The following SLC43A2 variants were observed in gnomAD, a reference collection of about 807,000 sequenced individuals.
SLC43A2 encodes large neutral amino acids transporter small subunit 4.
A neutral mutation model predicts 63.2 loss-of-function variants in SLC43A2; 38 were observed. The observed-to-expected ratio is 0.60, with a 90% CI of 0.46 to 0.79. The LOEUF is 0.79. Ranked by LOEUF, SLC43A2 falls within the 30% of genes least tolerant of loss-of-function variation. The probability of loss-of-function intolerance (pLI) is 0.00; values close to 1 mark genes in which losing one functional copy is unlikely to be tolerated. For missense variants in SLC43A2, 644 were observed against 756.2 expected, an observed-to-expected ratio of 0.85 and a Z score of 1.74; for synonymous variants, 322 against 331.0, an observed-to-expected ratio of 0.97 and a Z score of 0.30.
intron 5 of SLC43A2, among the ~76,000 whole-genome samples, chr17:1,611,624 A>ACTCCGT: frequency 7.4e-6 from 1 of 135,214 alleles, no homozygotes; most frequent in Non-Finnish European, 1.5e-5. Flanking sequence ...AACCGAGCAG[A>ACTCCGT]CTCAAAAAAA....
intron 9 of SLC43A2, chr17:1,586,928 T>G (rs1598443380): frequency 6.9e-4 from 845 of 1,230,352 alleles, no homozygotes; most frequent in Non-Finnish European, 8.6e-4. Flanking sequence ...TCCCTGACAA[T>G]CCCCCCCACC....
At chr17:1,627,651 CATCCCGCCCCCTCCCA>C in intron 2 of SLC43A2, 48 bp downstream of exon 2, 2 of 686,276 alleles carry the variant, frequency 2.9e-6, no homozygotes, top group Non-Finnish European at 4.6e-6. Flanking sequence ...TCTTCGCCCC[CATCCCGCCCCCTCCCA>C]AAGCCCCAGC....
chr17:1,585,994 G>A lies in SLC43A2; in HGVS notation c.1136C>T (p.Pro379Leu). The A allele has an allele frequency of 6.2e-7, 1 of 1,612,876 alleles. No individual in the cohort carries two copies. Among genetic ancestry groups the A allele is most frequent in the Non-Finnish European group, 8.5e-7 (1 of 1,179,712 alleles). Residue 379 changes from proline to leucine, a missense_variant, in exon 10 of 14, where the codon CCC (proline) becomes CTC (leucine). By Grantham distance (98) the Pro-to-Leu change is moderately conservative. Around this residue, in one of 3 missense-constraint regions of SLC43A2, gnomAD observed 528 missense variants for 623.6 expected, o/e 0.85. Transcript: ENST00000301335. Reference protein sequence around the residue: ...VLQLLCLLTAPVIGYIMDWRL... With the variant: ...VLQLLCLLTALVIGYIMDWRL... ...CCAGTCCATGATGTAGCCAATGACG[G>A]GGGCCGTCAGCAGGCACAGCAGCTG...
At position 1,575,542 on chromosome 17, in the gene SLC43A2, G is replaced by A; in HGVS notation, c.*62C>T. 1 of 1,605,718 alleles carries A rather than the reference G, an allele frequency of 6.2e-7. No homozygotes were observed. The highest frequency in any genetic ancestry group is 8.5e-7 in the Non-Finnish European group (1 of 1,172,652). Reference sequence around the variant, plus strand: ...GGGGGTGCGTGGGGTACTCTGGAGGGGCAGGACAGGGGTCAGTCACTGAAG... The same window carrying A: ...GGGGGTGCGTGGGGTACTCTGGAGGAGCAGGACAGGGGTCAGTCACTGAAG... On this transcript the variant is annotated 3_prime_UTR_variant, in exon 14 of 14. Transcript: ENST00000301335.
At chr17:1,586,208 T>C in intron 9 of SLC43A2, 157 bp from the exon 10 acceptor site, 5 of 1,182,770 alleles carry the variant, frequency 4.2e-6, no homozygotes, top group Non-Finnish European at 5.7e-6. Flanking sequence ...CCGGAGACCT[T>C]AACTCTGAAG....
At chr17:1,581,146 T>C (rs533889883) in intron 11 of SLC43A2, among the ~76,000 whole-genome samples, 1 of 151,100 alleles carries the variant, frequency 6.6e-6, no homozygotes, top group South Asian at 2.1e-4. Flanking sequence ...GGAATGTGGG[T>C]GGTGGGGGGG....
intron 2 of SLC43A2, among the ~76,000 whole-genome samples, chr17:1,626,633 A>G (rs192464629): frequency 6.6e-6 from 1 of 152,288 alleles, no homozygotes; most frequent in Non-Finnish European, 1.5e-5. Context: ...GGAGGCTTCC[A>G]CAAAGGATTA....
At chr17:1,618,082 G>C (rs899705613) in intron 2 of SLC43A2, among the ~76,000 whole-genome samples, 1 of 152,218 alleles carries the variant, frequency 6.6e-6, no homozygotes, top group Admixed American at 6.5e-5. Flanking sequence ...CTGTAGCGCC[G>C]AGGTTTGCAA....
intron 2 of SLC43A2, among the ~76,000 whole-genome samples, chr17:1,624,936 G>A (rs2151084133): frequency 6.6e-6 from 1 of 152,236 alleles, no homozygotes; most frequent in African/African-American, 2.4e-5. Flanking sequence ...CAGCCCCCCA[G>A]GCTGACCCTG....
At chr17:1,584,989 G>A (rs533048588) in intron 10 of SLC43A2, among the ~76,000 whole-genome samples, 1 of 152,056 alleles carries the variant, frequency 6.6e-6, no homozygotes, top group East Asian at 1.9e-4. Flanking sequence ...CAAACTGACC[G>A]GAATAAACCT....
At chr17:1,601,035 C>T (rs1350725903) in intron 5 of SLC43A2, among the ~76,000 whole-genome samples, 3 of 150,190 alleles carry the variant, frequency 2.0e-5, no homozygotes, top group African/African-American at 7.4e-5. Flanking sequence ...GTTGTGGTAG[C>T]GACTGATTTT....
chr17:1,622,291 C>A (rs959846084), intron 2 of SLC43A2, among the ~76,000 whole-genome samples: 4 of 152,238 alleles, frequency 2.6e-5, no homozygotes, highest in African/African-American at 9.6e-5. Flanking sequence ...CGGCTGGGCG[C>A]GGTGGCTCAC....
chr17:1,586,060 G>A lies in SLC43A2; in HGVS notation c.1079-9C>T. 3 of 1,579,276 alleles carry A rather than the reference G, an allele frequency of 1.9e-6. No individual in the cohort carries two copies. Among genetic ancestry groups the A allele is most frequent in the African/African-American group, 1.3e-5 (1 of 74,274 alleles). ...GGAGGTGTAGAGGCCAACTGTGGAGGAAGGCGCTGCGTCATGGGGACGCCT... is the reference window on the plus strand; with the variant it reads ...GGAGGTGTAGAGGCCAACTGTGGAGAAAGGCGCTGCGTCATGGGGACGCCT... On this transcript the variant is annotated splice_polypyrimidine_tract_variant and intron_variant, in intron 9 of 13. Coordinates refer to ENST00000301335, the MANE Select transcript of SLC43A2 (RefSeq NM_152346.3).
intron 2 of SLC43A2, among the ~76,000 whole-genome samples, chr17:1,626,026 A>AAACAAAC (rs1908632388): frequency 6.6e-6 from 1 of 151,682 alleles, no homozygotes; most frequent in African/African-American, 2.4e-5. Context: ...AAAAAACAAA[A>AAACAAAC]AACAAACAAA....
Position 1,573,768 on chromosome 17 carries a change from C to CG in SLC43A2, c.*1835dup, listed in dbSNP as rs1598425618. The CG allele has an allele frequency of 6.6e-6, 1 of 152,048 alleles. No homozygotes were observed. Among genetic ancestry groups the CG allele is most frequent in the Admixed American group, 6.6e-5 (1 of 15,258 alleles). 9.4% of individuals were successfully genotyped at this position (152,048 alleles called of 1,614,324 possible). On this transcript the variant is annotated 3_prime_UTR_variant, in exon 14 of 14. Transcript: ENST00000301335. The stretch of plus-strand genomic sequence containing the variant: ...CCGAGTAGTTGGGATTACAGGCGCA[C>CG]GCCACCACGCCCGATTAATGTTTAT...
intron 11 of SLC43A2, among the ~76,000 whole-genome samples, chr17:1,581,888 C>G (rs962643786): frequency 2.0e-5 from 3 of 151,808 alleles, no homozygotes; most frequent in Non-Finnish European, 4.4e-5. Flanking sequence ...TCACTGCAAC[C>G]TCTGCCACCC....
At chr17:1,600,440 C>T (rs1370253670) in intron 5 of SLC43A2, among the ~76,000 whole-genome samples, 2 of 149,944 alleles carry the variant, frequency 1.3e-5, no homozygotes, top group East Asian at 2.0e-4. Flanking sequence ...TATGAGCCAC[C>T]GCGCCCTTCC....
intron 5 of SLC43A2, among the ~76,000 whole-genome samples, chr17:1,594,780 G>A (rs932668329): frequency 3.3e-5 from 5 of 151,648 alleles, no homozygotes; most frequent in East Asian, 3.9e-4. Flanking sequence ...AGTAGAGACG[G>A]GGTTTCACCA....
intron 10 of SLC43A2, among the ~76,000 whole-genome samples, chr17:1,584,774 A>G (rs942277398): frequency 9.9e-5 from 15 of 151,784 alleles, no homozygotes; most frequent in East Asian, 5.8e-4. Context: ...GAGCCGAGAT[A>G]GAGCCACTGC....
Sources: gnomAD v4.1 joint callset for allele counts (sites outside exome capture counted in the v4.1 genomes callset) on GRCh38, gnomAD v4.1.1 for gene constraint, gnomAD v4.1.1 regional missense constraint, MANE v1.5 for transcripts, NCBI Gene and HGNC (gene_info 2026-07-23, HGNC 2026-07-21) for gene names.